KALRN: variants seen among roughly 807,000 people sequenced by gnomAD.
The protein encoded by KALRN is kalirin.
In KALRN, 70 loss-of-function variants were observed where a neutral mutation model predicts 353.7. The ratio of observed to expected loss-of-function variants is 0.20; its 90% CI spans 0.16 to 0.24. KALRN has a LOEUF of 0.24. KALRN is among the 10% of genes least tolerant of loss of function. KALRN has a pLI of 1.00. For synonymous variants in KALRN, 1,391 were observed against 1,434.8 expected, an observed-to-expected ratio of 0.97 and a Z score of 0.69; for missense variants, 2,791 against 3,756.7, an observed-to-expected ratio of 0.74 and a Z score of 6.72.
Position 124,071,736 on chromosome 3 carries a change from C to T in KALRN, c.73+37923C>T, listed in dbSNP as rs563618345. Among the ~76,000 whole-genome samples, 35 of 152,234 alleles carry T rather than the reference C, an allele frequency of 2.3e-4. No homozygotes were observed. The South Asian group carries it at 6.8e-3, about 30-fold the overall frequency. ...ATAATTTAGTCACTTCTTGAAGACCCCACCTCTTAATACCATCACATTGGC... is the reference window on the plus strand; with the variant it reads ...ATAATTTAGTCACTTCTTGAAGACCTCACCTCTTAATACCATCACATTGGC... On this transcript the variant is annotated intron_variant, in intron 1 of 59. Coordinates refer to ENST00000682506, the MANE Select transcript of KALRN (RefSeq NM_001388419.1).
intron 1 of KALRN, among the ~76,000 whole-genome samples, chr3:124,122,542 T>G (rs1485761399): frequency 6.6e-6 from 1 of 152,252 alleles, no homozygotes; most frequent in Non-Finnish European, 1.5e-5. Flanking sequence ...TTCGTGTCTC[T>G]ATGTCACATT....
chr3:124,331,104 C>A (rs891813328), intron 8 of KALRN, among the ~76,000 whole-genome samples: 5 of 152,150 alleles, frequency 3.3e-5, no homozygotes, highest in Admixed American at 6.5e-5. Flanking sequence ...AGCCTGGTTT[C>A]ATCTGTGAAA....
intron 9 of KALRN, among the ~76,000 whole-genome samples, chr3:124,343,306 C>T (rs1466968246): frequency 6.6e-6 from 1 of 152,164 alleles, no homozygotes; most frequent in African/African-American, 2.4e-5. Context: ...TACAGGTGTG[C>T]ACCACCACGC....
chr3:124,610,516 C>T (rs2077820823), intron 34 of KALRN, among the ~76,000 whole-genome samples: 1 of 151,994 alleles, frequency 6.6e-6, no homozygotes, highest in East Asian at 1.9e-4. Flanking sequence ...GTGATTAGGG[C>T]AGGTGGATAT....
At chr3:124,482,765 A>G (rs1199643830) in intron 27 of KALRN, 43 bp from the exon 28 acceptor site, 2 of 1,309,228 alleles carry the variant, frequency 1.5e-6, no homozygotes, top group Non-Finnish European at 2.2e-6. Flanking sequence ...ACACATGCAC[A>G]CACCCCTCTG....
intron 1 of KALRN, among the ~76,000 whole-genome samples, chr3:124,197,916 T>C (rs1178377907): frequency 6.6e-6 from 1 of 152,222 alleles, no homozygotes; most frequent in Non-Finnish European, 1.5e-5. Flanking sequence ...TCCACCAGAA[T>C]GCTACCCACA....
rs779555593 is a variant in KALRN, at chr3:124,482,873, G to A, written c.4257G>A (p.Arg1419=). 3.7e-6 allele frequency: 6 copies of A among 1,612,800 alleles called. No homozygotes were observed. Among genetic ancestry groups the A allele is most frequent in the Non-Finnish European group, 5.1e-6 (6 of 1,178,870 alleles). The part of the protein sequence containing the change: ...ISSYLIKPVQ[R]ITKYQLLLKE... ...CCTACCTAATTAAGCCTGTCCAAAGGATCACCAAATATCAACTGCTCCTGA... is the reference window on the plus strand; with the variant it reads ...CCTACCTAATTAAGCCTGTCCAAAGAATCACCAAATATCAACTGCTCCTGA... The change falls in exon 28 of 60, where the codon AGG becomes AGA. Residue 1419 remains arginine (R), a synonymous_variant. Transcript: ENST00000682506.
At chr3:124,554,822 A>G (rs2332901) in intron 33 of KALRN, among the ~76,000 whole-genome samples, 53,079 of 152,038 alleles carry the variant, frequency 0.35, 9,602 homozygotes, top group African/African-American at 0.44. Flanking sequence ...ATCTGGCAGG[A>G]CACTGGAGGT....
rs571651686 is a variant in KALRN at position 124,264,948 on chromosome 3, G to A, written c.456+258G>A. Among the ~76,000 whole-genome samples, 4 of 152,320 alleles carry A rather than the reference G, an allele frequency of 2.6e-5. No homozygotes were observed. The East Asian group carries it at 5.8e-4, about 22-fold the overall frequency. ...GTTGTGTTAACTGGGACAACTGTTT[G>A]TGGAGGCAGCTTTGCAATTTGTAAC... On this transcript the variant is annotated intron_variant, in intron 4 of 59. Coordinates refer to ENST00000682506, the MANE Select transcript of KALRN (RefSeq NM_001388419.1).
At chr3:124,438,437 C>T (rs532490630) in intron 17 of KALRN, among the ~76,000 whole-genome samples, 2 of 152,020 alleles carry the variant, frequency 1.3e-5, no homozygotes, top group Non-Finnish European at 2.9e-5. Flanking sequence ...GTAAACCATA[C>T]AACATAGGCA....
chr3:124,067,467 T>G (rs758831817), intron 1 of KALRN, among the ~76,000 whole-genome samples: 1 of 151,786 alleles, frequency 6.6e-6, no homozygotes, highest in Non-Finnish European at 1.5e-5. Context: ...GTTTATTAAA[T>G]CAATTTAAAG....
chr3:124,492,392 A>T (rs1367091382), intron 31 of KALRN, among the ~76,000 whole-genome samples: 3 of 152,154 alleles, frequency 2.0e-5, no homozygotes, highest in Non-Finnish European at 4.4e-5. Context: ...CCTCCCCAGG[A>T]TCTAGCAACC....
chr3:124,477,205 C>T (rs768857867), intron 26 of KALRN, 40 bp from the exon 27 acceptor site: 2 of 1,437,598 alleles, frequency 1.4e-6, no homozygotes, highest in African/African-American at 2.8e-5. Context: ...AAGGGAACAA[C>T]TAATGAATGC....
At chr3:124,176,391 A>G in intron 1 of KALRN, among the ~76,000 whole-genome samples, 1 of 152,150 alleles carries the variant, frequency 6.6e-6, no homozygotes, top group Non-Finnish European at 1.5e-5. Flanking sequence ...GTCTTGTAAA[A>G]TCCTGGATTG....
chr3:124,422,747 T>C, intron 14 of KALRN, 65 bp from the exon 15 acceptor site: 1 of 1,333,578 alleles, frequency 7.5e-7, no homozygotes, highest in Admixed American at 1.9e-5. Flanking sequence ...CTTATGCATA[T>C]TGAAGGGAAT....
chr3:124,369,228 G>A (rs1427914217), intron 10 of KALRN, among the ~76,000 whole-genome samples: 1 of 152,138 alleles, frequency 6.6e-6, no homozygotes, highest in Non-Finnish European at 1.5e-5. Context: ...ATTTCTAAAT[G>A]CACTCACATT....
Position 124,455,342 on chromosome 3 carries a change from C to G in KALRN, c.3718C>G (p.Leu1240Val). Residue 1240 changes from leucine (L) to valine (V), a missense_variant, in exon 22 of 60, where the codon CTA becomes GTA. Leu to Val is a conservative substitution (Grantham distance 32). Transcript: ENST00000682506. ...GKYRYSLEKA[L>V]GVNTEDNKDL... ...GTACCGATACTCACTGGAGAAAGCC[C>G]TAGGAGTCAACACAGAGGTAGGCAG... The G allele has an allele frequency of 6.2e-7, 1 of 1,614,068 alleles. No individual in the cohort carries two copies. The highest frequency in any genetic ancestry group is 8.5e-7 in the Non-Finnish European group (1 of 1,179,956).
At chr3:124,587,935 C>T (rs1032315163) in intron 34 of KALRN, among the ~76,000 whole-genome samples, 2 of 151,876 alleles carry the variant, frequency 1.3e-5, no homozygotes, top group African/African-American at 2.4e-5. Flanking sequence ...CTCAAGTGAT[C>T]CTACTGCCTC....
chr3:124,274,815 C>T (rs997283511), intron 5 of KALRN, among the ~76,000 whole-genome samples: 1 of 152,140 alleles, frequency 6.6e-6, no homozygotes, highest in Non-Finnish European at 1.5e-5. Context: ...CCTAGCCCTG[C>T]CTTTACCACT....
Sources: allele counts gnomAD v4.1 joint callset (sites outside exome capture counted in the v4.1 genomes callset), GRCh38; gene constraint gnomAD v4.1.1; transcripts MANE v1.5; gene names NCBI Gene and HGNC (gene_info 2026-07-23, HGNC 2026-07-21).